The following HPS4 variants were observed in gnomAD, a reference collection of about 807,000 sequenced individuals.
HPS4 encodes the protein HPS4 biogenesis of lysosomal organelles complex 3 subunit 2.
A neutral mutation model predicts 70.3 loss-of-function variants in HPS4; 44 were observed. That is an observed-to-expected ratio of 0.63 (90% CI 0.49 to 0.80). The LOEUF (loss-of-function observed/expected upper bound fraction) is 0.80. HPS4 is among the 30% of genes least tolerant of loss of function. HPS4 has a pLI of 0.00. For missense variants in HPS4, 873 were observed against 884.4 expected (o/e 0.99, Z 0.16); for synonymous variants, 377 against 355.9 (o/e 1.06, Z -0.67).
exon 4 of HPS4, chr22:26,444,648 CCA>C (rs1230598838): frequency 6.6e-6 from 1 of 152,174 alleles, no homozygotes; most frequent in Admixed American, 6.5e-5. Flanking sequence ...AGGTGCAGGT[CCA>C]GTGTTTAGAT....
At chr22:26,478,258 G>A (rs2090831756) in intron 3 of HPS4, among the ~76,000 whole-genome samples, 1 of 151,998 alleles carries the variant, frequency 6.6e-6, no homozygotes, top group South Asian at 2.1e-4. Flanking sequence ...AGAAGAAGAG[G>A]TTCAGATAGG....
chr22:26,450,757 T>C (rs2085124985), downstream of HPS4, among the ~76,000 whole-genome samples: 1 of 152,226 alleles, frequency 6.6e-6, no homozygotes, highest in African/African-American at 2.4e-5. Context: ...TTTTCCCCCC[T>C]TTCACTCTGC....
intron 3 of HPS4, 65 bp from the exon 4 acceptor site, chr22:26,477,201 CAGCATACTAA>C: frequency 6.3e-7 from 1 of 1,576,056 alleles, no homozygotes; most frequent in Admixed American, 1.7e-5. Context: ...TCATTTCTTA[CAGCATACTAA>C]AGCCTGCAAG....
rs757988379 is a variant in HPS4 at position 26,464,150 on chromosome 22, C to T, written c.1480G>A (p.Val494Ile). The T allele has an allele frequency of 2.5e-6, 4 of 1,614,278 alleles. No homozygotes were observed. In the South Asian group the frequency reaches 4.4e-5, roughly 18 times the overall value. Residue 494 changes from valine (V) to isoleucine (I), a missense_variant, in exon 11 of 14, where the codon GTT becomes ATT. Physicochemically the swap from Val to Ile is conservative, Grantham distance 29 (BLOSUM62 3). Transcript: ENST00000398145. ...GCGTGGCTTTCACAGACCCCATCAA[C>T]ATCCTCATCCAGGCCTTGTTCCCCC... Reference protein sequence around the residue: ...PTGEQGLDEDVDGVCESHAAP... With the variant: ...PTGEQGLDEDIDGVCESHAAP...
At chr22:26,458,654 T>C (rs560681727) in intron 11 of HPS4, 77 bp from the exon 12 acceptor site, 2 of 1,558,138 alleles carry the variant, frequency 1.3e-6, no homozygotes, top group Admixed American at 1.8e-5. Flanking sequence ...ACCACAGACT[T>C]AGTTAAAAAA....
chr22:26,463,458 G>A (rs2087737145), intron 11 of HPS4, among the ~76,000 whole-genome samples: 2 of 152,178 alleles, frequency 1.3e-5, no homozygotes, highest in Admixed American at 6.5e-5. Flanking sequence ...ACACATGCAC[G>A]TACGTGTGCA....
rs773773876 is a variant in HPS4, at chr22:26,465,546, C to T, written c.712G>A (p.Ala238Thr). 1 of 1,613,656 alleles carries T rather than the reference C, an allele frequency of 6.2e-7. No individual in the cohort carries two copies. The highest frequency in any genetic ancestry group is 1.1e-5 in the South Asian group (1 of 91,072). Residue 238 changes from alanine to threonine, a missense_variant, in exon 10 of 14, where the codon GCA becomes ACA. Coordinates refer to ENST00000398145, the MANE Select transcript of HPS4 (RefSeq NM_022081.6). Reference sequence around the variant, plus strand: ...ATAATCTGGACATTCGGGGGCAATGCCGCTCCTGGAATTGCAAAGCAATAT... The same window carrying T: ...ATAATCTGGACATTCGGGGGCAATGTCGCTCCTGGAATTGCAAAGCAATAT... ...GEDAPQEHGAALPPNVQIIPV... is the reference protein window; with the variant it reads ...GEDAPQEHGATLPPNVQIIPV...
At chr22:26,447,054 C>G (rs1002965930), downstream of HPS4, among the ~76,000 whole-genome samples, 6 of 152,182 alleles carry the variant, frequency 3.9e-5, no homozygotes, top group Non-Finnish European at 8.8e-5. Flanking sequence ...ACCTATCCTG[C>G]CAACAGTATG....
In HPS4 at chr22:26,464,800, T is replaced by G; in HGVS notation, c.830A>C (p.Gln277Pro). 2 of 1,592,450 alleles carry G rather than the reference T, an allele frequency of 1.3e-6. No individual in the cohort carries two copies. The highest frequency in any genetic ancestry group is 1.7e-6 in the Non-Finnish European group (2 of 1,171,616). The change falls in exon 11 of 14, where the codon CAG (glutamine) becomes CCG (proline). Residue 277 changes from glutamine to proline, a missense_variant. By Grantham distance (76) the Gln-to-Pro change is moderately conservative. Transcript: ENST00000398145. ...TRSLASPAGL[Q>P]DGSAQHHPKG... ...TGGATGGTGCTGGGCTGAACCATCC[T>G]GGAGTCCTGCTGGAGATGCTAGAGA...
chr22:26,459,129 C>T (rs2086772220), intron 11 of HPS4, among the ~76,000 whole-genome samples: 1 of 152,154 alleles, frequency 6.6e-6, no homozygotes, highest in Admixed American at 6.5e-5. Flanking sequence ...TCTCACTGGC[C>T]CTGGGTACAG....
At position 26,478,300 on chromosome 22, in the gene HPS4, T is replaced by C. The variant is rs992185338; in HGVS notation, c.132+965A>G. Among the ~76,000 whole-genome samples the C allele has an allele frequency of 2.0e-5, 3 of 151,820 alleles. No individual in the cohort carries two copies. The East Asian group carries it at 5.8e-4, about 29-fold the overall frequency. On this transcript the variant is annotated intron_variant, in intron 3 of 13. Transcript: ENST00000398145. ...AAAATTGGCAAAGTATTGCCGGGCG[T>C]GGTGGCTCACGCCTGTAATCCCTGC...
At chr22:26,460,541 G>A (rs188796243) in intron 11 of HPS4, among the ~76,000 whole-genome samples, 1 of 152,334 alleles carries the variant, frequency 6.6e-6, no homozygotes, top group East Asian at 1.9e-4. Flanking sequence ...AACAGAGAGT[G>A]AGCCATGCCA....
In HPS4 at chr22:26,463,852, G is replaced by A; in HGVS notation, c.1713+65C>T. 3 of 1,532,950 alleles carry A rather than the reference G, an allele frequency of 2.0e-6. No homozygotes were observed. The South Asian group carries it at 3.4e-5, about 17-fold the overall frequency. The allele number at this position is 1,532,950 out of a possible 1,614,324, so 95.0% of individuals were successfully genotyped here. Reference sequence around the variant, plus strand: ...CTTCCCTGGGTGTTGGCACAGTGCTGTGAGGGAAGCACAGGAGATCGGCAG... The same window carrying A: ...CTTCCCTGGGTGTTGGCACAGTGCTATGAGGGAAGCACAGGAGATCGGCAG... On this transcript the variant is annotated intron_variant, in intron 11 of 13. Coordinates refer to ENST00000398145, the MANE Select transcript of HPS4 (RefSeq NM_022081.6).
At chr22:26,471,058 G>A (rs1036108312) in intron 6 of HPS4, 13 of 692,116 alleles carry the variant, frequency 1.9e-5, no homozygotes, top group Non-Finnish European at 2.5e-5. Context: ...AAGCTAGAAG[G>A]TGCAGCAAAT....
At chr22:26,465,091 C>T (rs924053973) in intron 10 of HPS4, among the ~76,000 whole-genome samples, 18 of 152,218 alleles carry the variant, frequency 1.2e-4, no homozygotes, top group African/African-American at 4.1e-4. Context: ...AGGTCTCCTA[C>T]GCATCAGGCC....
chr22:26,483,649 C>T, intron 1 of HPS4, 25 bp downstream of exon 1: 1 of 359,840 alleles, frequency 2.8e-6, no homozygotes, highest in Admixed American at 4.9e-5. Flanking sequence ...TCGGTATCCC[C>T]GCGCTCCGAG....
chr22:26,468,388 T>C (rs1009827877), intron 8 of HPS4, 163 bp downstream of exon 8: 2 of 682,620 alleles, frequency 2.9e-6, no homozygotes, highest in African/African-American at 1.8e-5. Context: ...GCCTCACCAA[T>C]GGCTTCACTA....
At chr22:26,462,126 CA>C (rs10711513) in intron 11 of HPS4, among the ~76,000 whole-genome samples, 118,410 of 136,986 alleles carry the variant, frequency 0.86, 50,829 homozygotes, top group Non-Finnish European at 0.92. Flanking sequence ...AACTCCATCT[CA>C]AAAAAAAAAA....
rs772691909 is a variant in HPS4 at position 26,464,552 on chromosome 22, GT to G, written c.1077del (p.Glu359AspfsTer2). ...TCGAGTTCTTCTTGGAGAAAGACTA[GT>G]TCCTTCCCCAGGGAGGAGCTGAGGC... ...VLGLSSSLGK[E>X]LVFLQEELDL... On this transcript the variant is annotated frameshift_variant, in exon 11 of 14. Coordinates refer to ENST00000398145, the MANE Select transcript of HPS4 (RefSeq NM_022081.6). LOFTEE classifies it high-confidence loss of function. 6.2e-7 allele frequency: 1 copy of G among 1,614,224 alleles called. No individual in the cohort carries two copies. The highest frequency in any genetic ancestry group is 1.1e-5 in the South Asian group (1 of 91,082).
Sources: gnomAD v4.1 joint callset for allele counts (sites outside exome capture counted in the v4.1 genomes callset) on GRCh38, gnomAD v4.1.1 for gene constraint, MANE v1.5 for transcripts, NCBI Gene and HGNC (gene_info 2026-07-23, HGNC 2026-07-21) for gene names.